Variants in FOXP2 observed in about 807,000 individuals in gnomAD.
The protein encoded by FOXP2 is forkhead box P2.
A neutral mutation model predicts 115.8 loss-of-function variants in FOXP2; 12 were observed. The ratio of observed to expected loss-of-function variants is 0.10; its 90% CI spans 0.07 to 0.17. The LOEUF (loss-of-function observed/expected upper bound fraction) is 0.17. FOXP2 is among the 10% of genes least tolerant of loss of function. FOXP2 has a pLI of 1.00. For missense variants in FOXP2, 629 were observed against 843.5 expected (o/e 0.75, Z 3.15); for synonymous variants, 328 against 297.7 (o/e 1.10, Z -1.05).
At chr7:114,568,752 TCAGTAGCA>T (rs1463334187) in intron 3 of FOXP2, among the ~76,000 whole-genome samples, 4 of 151,902 alleles carry the variant, frequency 2.6e-5, no homozygotes, top group African/African-American at 9.7e-5. Context: ...GTTTAAGGGA[TCAGTAGCA>T]TTAACTGTAT....
At chr7:114,195,185 A>G (rs1416873281) in intron 1 of FOXP2, among the ~76,000 whole-genome samples, 3 of 152,184 alleles carry the variant, frequency 2.0e-5, no homozygotes, top group East Asian at 1.9e-4. Flanking sequence ...GCAGAAGTGC[A>G]TGAAATATTG....
chr7:114,220,890 G>A (rs1441521497), intron 1 of FOXP2, among the ~76,000 whole-genome samples: 2 of 152,046 alleles, frequency 1.3e-5, no homozygotes, highest in Non-Finnish European at 2.9e-5. Flanking sequence ...CTCTCTCGAA[G>A]TCTTTCTAAA....
intron 1 of FOXP2, among the ~76,000 whole-genome samples, chr7:114,092,326 T>C (rs1799558394): frequency 2.0e-5 from 3 of 152,060 alleles, no homozygotes; most frequent in African/African-American, 7.2e-5. Flanking sequence ...TTTTTTTTCT[T>C]TTTTAGCAGA....
chr7:114,320,867 G>A (rs1797403186), intron 2 of FOXP2, among the ~76,000 whole-genome samples: 1 of 152,198 alleles, frequency 6.6e-6, no homozygotes, highest in African/African-American at 2.4e-5. Flanking sequence ...ACCTGTGGAA[G>A]AAAGGAGGAA....
intron 3 of FOXP2, among the ~76,000 whole-genome samples, chr7:114,628,196 G>A (rs1241494132): frequency 1.3e-5 from 2 of 151,976 alleles, no homozygotes; most frequent in African/African-American, 2.4e-5. Flanking sequence ...TTATAGCACA[G>A]TGACATTGAT....
chr7:114,171,492 G>C (rs891852626), intron 1 of FOXP2, among the ~76,000 whole-genome samples: 1 of 152,182 alleles, frequency 6.6e-6, no homozygotes, highest in Non-Finnish European at 1.5e-5. Context: ...AGGATCACTT[G>C]AGCCTGGGAG....
chr7:114,402,351 A>AT (rs1211912930), intron 2 of FOXP2, among the ~76,000 whole-genome samples: 1 of 152,126 alleles, frequency 6.6e-6, no homozygotes, highest in Non-Finnish European at 1.5e-5. Flanking sequence ...CAAGAATGAT[A>AT]TTTTCACTGT....
At chr7:114,175,731 A>G (rs1325048205) in intron 1 of FOXP2, among the ~76,000 whole-genome samples, 1 of 152,210 alleles carries the variant, frequency 6.6e-6, no homozygotes, top group East Asian at 1.9e-4. Context: ...GCATTTGCTG[A>G]TCTGCTGATC....
chr7:114,618,049 C>T (rs1328961750), intron 3 of FOXP2, among the ~76,000 whole-genome samples: 1 of 152,148 alleles, frequency 6.6e-6, no homozygotes, highest in African/African-American at 2.4e-5. Context: ...TCAACTTAAG[C>T]ATTACTTCCT....
chr7:114,586,943 T>A (rs1412605881), intron 3 of FOXP2, among the ~76,000 whole-genome samples: 8 of 152,150 alleles, frequency 5.3e-5, no homozygotes, highest in African/African-American at 1.7e-4. Context: ...GTAAAGGTAG[T>A]TTTACTAACA....
intron 3 of FOXP2, among the ~76,000 whole-genome samples, chr7:114,596,926 AT>A (rs1264585592): frequency 6.6e-6 from 1 of 152,104 alleles, no homozygotes; most frequent in Non-Finnish European, 1.5e-5. Context: ...AGAGGTACTC[AT>A]TAGTGACTTT....
In FOXP2 at chr7:114,132,789, C is replaced by G. The variant is rs779777967; in HGVS notation, c.-246-30155C>G. 4.6e-5 allele frequency among the ~76,000 whole-genome samples: 7 copies of G among 152,034 alleles called. No homozygotes were observed. In the East Asian group the frequency reaches 7.8e-4, roughly 17 times the overall value. Reference sequence around the variant, plus strand: ...CAAGTTTTGAGCAACTGCAAGCAGGCCAGTACAGCTGGTATAGAATAAGCA... The same window carrying G: ...CAAGTTTTGAGCAACTGCAAGCAGGGCAGTACAGCTGGTATAGAATAAGCA... On this transcript the variant is annotated intron_variant, in intron 1 of 19. Coordinates refer to the FOXP2 transcript ENST00000635638.
chr7:114,364,234 C>T (rs1391670052), intron 2 of FOXP2, among the ~76,000 whole-genome samples: 1 of 152,048 alleles, frequency 6.6e-6, no homozygotes, highest in East Asian at 1.9e-4. Context: ...TAATCAATGG[C>T]CAGTTAGCTC....
At chr7:114,185,251 C>A (rs1174962827) in intron 1 of FOXP2, among the ~76,000 whole-genome samples, 1 of 151,720 alleles carries the variant, frequency 6.6e-6, no homozygotes, top group East Asian at 1.9e-4. Context: ...CAGATCTGGG[C>A]CCTGGATTAT....
intron 2 of FOXP2, among the ~76,000 whole-genome samples, chr7:114,452,151 T>G (rs1380676114): frequency 6.6e-6 from 1 of 152,040 alleles, no homozygotes; most frequent in Non-Finnish European, 1.5e-5. Context: ...TTTTTCTTTC[T>G]TCCTGGCAGT....
intron 1 of FOXP2, among the ~76,000 whole-genome samples, chr7:114,190,160 A>G (rs1310427075): frequency 6.6e-6 from 1 of 152,166 alleles, no homozygotes; most frequent in Non-Finnish European, 1.5e-5. Context: ...GTAATGGTTA[A>G]TTTTATAAAT....
chr7:114,461,861 T>C (rs1040084771), intron 2 of FOXP2, among the ~76,000 whole-genome samples: 5 of 152,150 alleles, frequency 3.3e-5, no homozygotes, highest in African/African-American at 4.8e-5. Context: ...ATTAATCTTA[T>C]TTTTGCCAAT....
At chr7:114,513,736 T>G (rs1798188631) in intron 2 of FOXP2, among the ~76,000 whole-genome samples, 1 of 152,170 alleles carries the variant, frequency 6.6e-6, no homozygotes, top group Admixed American at 6.5e-5. Context: ...CAGAGTAAAC[T>G]ATTTGTTCTT....
chr7:114,390,496 T>A (rs1157668969), intron 2 of FOXP2, among the ~76,000 whole-genome samples: 1 of 148,366 alleles, frequency 6.7e-6, no homozygotes, highest in Non-Finnish European at 1.5e-5. Flanking sequence ...ATGTTTTGTT[T>A]GGCACCATAC....
Sources: gnomAD v4.1 joint callset for allele counts (sites outside exome capture counted in the v4.1 genomes callset) on GRCh38, gnomAD v4.1.1 for gene constraint, MANE v1.5 for transcripts, NCBI Gene and HGNC (gene_info 2026-07-23, HGNC 2026-07-21) for gene names.